The following SLC44A5 variants were observed in gnomAD, a reference collection of about 807,000 sequenced individuals.
SLC44A5 encodes the protein solute carrier family 44 member 5.
A neutral mutation model predicts 101.8 loss-of-function variants in SLC44A5; 57 were observed. That is an observed-to-expected ratio of 0.56 (90% CI 0.45 to 0.70). The LOEUF is 0.70. Ranked by LOEUF, SLC44A5 falls within the 30% of genes least tolerant of loss-of-function variation. The pLI is 0.00. For synonymous variants in SLC44A5, 281 were observed against 290.9 expected, an observed-to-expected ratio of 0.97 and a Z score of 0.35; for missense variants, 737 against 853.1, an observed-to-expected ratio of 0.86 and a Z score of 1.70.
chr1:75,588,609 A>T (rs1224143172), intron 1 of SLC44A5, among the ~76,000 whole-genome samples: 2 of 152,122 alleles, frequency 1.3e-5, no homozygotes, highest in Non-Finnish European at 2.9e-5. Context: ...GTTTTTTAAA[A>T]TTTTTTAAAA....
intron 1 of SLC44A5, among the ~76,000 whole-genome samples, chr1:75,587,265 C>G (rs1014971398): frequency 2.6e-5 from 4 of 152,086 alleles, no homozygotes; most frequent in Admixed American, 1.3e-4. Flanking sequence ...CTCCCATCAC[C>G]CTCCTAAACA....
intron 1 of SLC44A5, among the ~76,000 whole-genome samples, chr1:75,543,347 C>T (rs1356831601): frequency 1.3e-5 from 2 of 151,960 alleles, no homozygotes; most frequent in Admixed American, 6.6e-5. Flanking sequence ...ATTCCTCCAC[C>T]TCAATCAAGT....
intron 2 of SLC44A5, among the ~76,000 whole-genome samples, chr1:75,427,157 C>T (rs1478378704): frequency 2.6e-5 from 4 of 152,278 alleles, no homozygotes; most frequent in Non-Finnish European, 4.4e-5. Flanking sequence ...CAGAATTGTT[C>T]AGGGGACCCC....
chr1:75,304,819 A>G (rs1236784457), intron 4 of SLC44A5, among the ~76,000 whole-genome samples: 2 of 152,186 alleles, frequency 1.3e-5, no homozygotes, highest in African/African-American at 4.8e-5. Context: ...TAAGTTAAAA[A>G]TGGGTTGCTT....
intron 23 of SLC44A5, 22 bp from the exon 24 acceptor site, chr1:75,203,855 A>C (rs796769992): frequency 6.5e-7 from 1 of 1,536,462 alleles, no homozygotes; most frequent in Non-Finnish European, 8.8e-7. Context: ...AATGGTACAG[A>C]GTAAATATCA....
chr1:75,721,701 T>G, the SLC44A5 span, among the ~76,000 whole-genome samples: 1 of 152,156 alleles, frequency 6.6e-6, no homozygotes, highest in Non-Finnish European at 1.5e-5. Context: ...AGGTACAAAA[T>G]AAATAAAATC....
At chr1:75,678,820 T>A in the SLC44A5 span, among the ~76,000 whole-genome samples, 39,173 of 151,888 alleles carry the variant, frequency 0.26, 5,390 homozygotes, top group Middle Eastern at 0.37. Context: ...CCCTGAGCTA[T>A]GGGAGGACAT....
chr1:75,616,581 G>C, the SLC44A5 span, among the ~76,000 whole-genome samples: 1 of 152,214 alleles, frequency 6.6e-6, no homozygotes, highest in East Asian at 1.9e-4. Context: ...CCCGGCCCAG[G>C]AGCCGTCCTC....
the SLC44A5 span, among the ~76,000 whole-genome samples, chr1:75,631,662 G>A: frequency 5.5e-5 from 8 of 144,386 alleles, no homozygotes; most frequent in South Asian, 2.3e-4. Flanking sequence ...TCAGCCTCCC[G>A]AGTAGCTGGG....
At chr1:75,213,378 A>T (rs957202216) in intron 22 of SLC44A5, among the ~76,000 whole-genome samples, 6 of 152,254 alleles carry the variant, frequency 3.9e-5, no homozygotes, top group African/African-American at 1.4e-4. Flanking sequence ...TGTACCCCCT[A>T]AATTCATTTG....
the SLC44A5 span, among the ~76,000 whole-genome samples, chr1:75,695,612 GT>G: frequency 6.6e-6 from 1 of 151,426 alleles, no homozygotes; most frequent in African/African-American, 2.4e-5. Flanking sequence ...AAAAGACTTA[GT>G]AGTTTACTAA....
intron 3 of SLC44A5, among the ~76,000 whole-genome samples, chr1:75,359,053 A>G (rs1399433957): frequency 6.6e-6 from 1 of 151,220 alleles, no homozygotes; most frequent in Admixed American, 6.6e-5. Context: ...TGAGTTTGAC[A>G]TTTTGAGATT....
chr1:75,704,701 G>A, the SLC44A5 span, among the ~76,000 whole-genome samples: 3 of 152,064 alleles, frequency 2.0e-5, no homozygotes, highest in Non-Finnish European at 4.4e-5. Context: ...CCTTGCATGT[G>A]GTAAGAGACC....
At chr1:75,434,588 C>G in intron 2 of SLC44A5, among the ~76,000 whole-genome samples, 1 of 152,126 alleles carries the variant, frequency 6.6e-6, no homozygotes, top group South Asian at 2.1e-4. Context: ...TTCAATGACT[C>G]TTGCTGCAGA....
In SLC44A5 at chr1:75,357,082, T is replaced by C. The variant is rs1303956243; in HGVS notation, c.53-17452A>G. On this transcript the variant is annotated intron_variant, in intron 3 of 23. Coordinates refer to ENST00000370859, the MANE Select transcript of SLC44A5 (RefSeq NM_001130058.2). ...ATTTCCTATCTTTTTTCTCAACTCTTCTCCTAAGAACTGAAATCAATTTTA... is the reference window on the plus strand; with the variant it reads ...ATTTCCTATCTTTTTTCTCAACTCTCCTCCTAAGAACTGAAATCAATTTTA... 8 of 416,428 alleles carry C rather than the reference T, an allele frequency of 1.9e-5. No homozygotes were observed. In the East Asian group the frequency reaches 5.8e-4, roughly 30 times the overall value. 25.8% of individuals were successfully genotyped at this position (416,428 alleles called of 1,614,324 possible).
At chr1:75,267,010 C>T (rs114362810) in intron 6 of SLC44A5, among the ~76,000 whole-genome samples, 1,542 of 152,234 alleles carry the variant, frequency 0.01, 37 homozygotes, top group African/African-American at 0.035. Context: ...CACACTGCGC[C>T]GAACACAATA....
At chr1:75,668,335 T>TTG in the SLC44A5 span, among the ~76,000 whole-genome samples, 1 of 140,760 alleles carries the variant, frequency 7.1e-6, no homozygotes, top group East Asian at 2.0e-4. Flanking sequence ...TTTTTTTTTT[T>TTG]TTTTTTGGTA....
At chr1:75,530,422 T>C (rs1460118459) in intron 2 of SLC44A5, among the ~76,000 whole-genome samples, 1 of 152,192 alleles carries the variant, frequency 6.6e-6, no homozygotes, top group African/African-American at 2.4e-5. Flanking sequence ...TTTTGAGTTA[T>C]AGAATGTGGA....
chr1:75,596,144 G>C (rs949872397), intron 1 of SLC44A5, among the ~76,000 whole-genome samples: 47 of 151,726 alleles, frequency 3.1e-4, no homozygotes, highest in Admixed American at 1.4e-3. Context: ...TAACCTTTAG[G>C]CTCAGATGAT....
Sources: allele counts gnomAD v4.1 joint callset (sites outside exome capture counted in the v4.1 genomes callset), GRCh38; gene constraint gnomAD v4.1.1; transcripts MANE v1.5; gene names NCBI Gene and HGNC (gene_info 2026-07-23, HGNC 2026-07-21).